Variants in CENPP observed in about 807,000 individuals in gnomAD.
The protein encoded by CENPP is centromere protein P.
Under a neutral mutation model 35.6 loss-of-function variants are expected in CENPP, and 24 were observed. That is an observed-to-expected ratio of 0.67 (90% confidence interval 0.49 to 0.95). The LOEUF (loss-of-function observed/expected upper bound fraction) is 0.95, where lower values mean the gene tolerates loss of function less well. Ranked by LOEUF, CENPP falls within the 40% of genes least tolerant of loss-of-function variation. The probability of loss-of-function intolerance (pLI) is 0.00; values close to 1 mark genes in which losing one functional copy is unlikely to be tolerated. For missense variants in CENPP, 332 were observed against 345.3 expected (o/e 0.96, Z 0.31); for synonymous variants, 120 against 125.5 (o/e 0.96, Z 0.29).
At chr9:92,562,318 C>T (rs1184306827) in intron 5 of CENPP, among the ~76,000 whole-genome samples, 1 of 151,320 alleles carries the variant, frequency 6.6e-6, no homozygotes, top group Non-Finnish European at 1.5e-5. Context: ...GATTCTCCTG[C>T]CTCAGCCGCC....
At position 92,414,422 on chromosome 9, in the gene CENPP, A is replaced by G. The variant is rs41278683; in HGVS notation, c.564+34563A>G. The G allele has an allele frequency of 8.7e-3, 1,791 of 206,136 alleles. 10 individuals are homozygous for G. Among genetic ancestry groups the G allele is most frequent in the Middle Eastern group, 0.014 (9 of 626 alleles). 12.8% of individuals were successfully genotyped at this position (206,136 alleles called of 1,614,324 possible). On this transcript the variant is annotated intron_variant, in intron 5 of 7. Coordinates refer to ENST00000375587, the MANE Select transcript of CENPP (RefSeq NM_001012267.3). ...ATAACATTGTTTAGGATAGTTGCTG[A>G]AATCTGCTAAAATACAAATTGCAAT... is the stretch of plus-strand genomic sequence containing the variant.
rs112439446 is a variant in CENPP at position 92,541,942 on chromosome 9, C to T, written c.565-69372C>T. On this transcript the variant is annotated intron_variant, in intron 5 of 7. Transcript: ENST00000375587. ...ATGAGTAGCTGGGATTACAAGCATC[C>T]GCCGCCGCACCCAGCTAATTTTTGT... Among the ~76,000 whole-genome samples the T allele has an allele frequency of 3.7e-4, 57 of 152,186 alleles. 1 individual carries two copies. Among genetic ancestry groups the T allele is most frequent in the African/African-American group, 1.3e-3 (54 of 41,518 alleles).
chr9:92,596,744 C>A (rs912609581), intron 5 of CENPP, among the ~76,000 whole-genome samples: 1 of 151,908 alleles, frequency 6.6e-6, no homozygotes, highest in Non-Finnish European at 1.5e-5. Context: ...ATAAAAAAAA[C>A]GATGATAAGA....
In CENPP at chr9:92,611,318, A is replaced by C; in HGVS notation, c.569A>C (p.Lys190Thr). The C allele has an allele frequency of 6.2e-7, 1 of 1,613,342 alleles. No homozygotes were observed. Among genetic ancestry groups the C allele is most frequent in the South Asian group, 1.1e-5 (1 of 91,032 alleles). The stretch of plus-strand genomic sequence containing the variant: ...CCGTTTCTTCTCCCCATGCAGGAAA[A>C]GTACCCAGATGCCGTGTACCTCTCG... The part of the protein sequence containing the change: ...RKRTFKHLKE[K>T]YPDAVYLSEG... The change falls in exon 6 of 8, where the codon AAG (lysine) becomes ACG (threonine). Residue 190 changes from lysine (K) to threonine (T), a missense_variant. By Grantham distance (78) the Lys-to-Thr change is moderately conservative. Transcript: ENST00000375587.
intron 4 of CENPP, among the ~76,000 whole-genome samples, chr9:92,372,011 C>T (rs1297436558): frequency 7.3e-6 from 1 of 136,282 alleles, no homozygotes; most frequent in Non-Finnish European, 1.5e-5. Flanking sequence ...CCACTGTACT[C>T]CAGCCTGGGC....
chr9:92,414,828 A>G (rs891832870), intron 5 of CENPP: 5 of 244,450 alleles, frequency 2.0e-5, no homozygotes, highest in Non-Finnish European at 3.9e-5. Context: ...TCATTTTTAG[A>G]AAAATTACTG....
At chr9:92,413,130 A>G (rs1321093894) in intron 5 of CENPP, among the ~76,000 whole-genome samples, 1 of 151,744 alleles carries the variant, frequency 6.6e-6, no homozygotes, top group African/African-American at 2.4e-5. Flanking sequence ...GATTACAGGC[A>G]TGTGCCACCA....
intron 5 of CENPP, among the ~76,000 whole-genome samples, chr9:92,394,073 A>G (rs1023590799): frequency 6.6e-6 from 1 of 152,136 alleles, no homozygotes; most frequent in African/African-American, 2.4e-5. Flanking sequence ...TTGTACTTTC[A>G]TATACTAGTT....
intron 5 of CENPP, among the ~76,000 whole-genome samples, chr9:92,392,572 G>A (rs762666943): frequency 9.2e-5 from 14 of 151,474 alleles, no homozygotes; most frequent in East Asian, 1.9e-4. Flanking sequence ...CCAAGATCAC[G>A]CCACTCTACT....
At chr9:92,494,120 A>G (rs1158343348) in intron 5 of CENPP, 3 of 1,597,944 alleles carry the variant, frequency 1.9e-6, no homozygotes, top group South Asian at 1.1e-5. Flanking sequence ...TCTGTTTGTC[A>G]CTGTCTCTAG....
chr9:92,385,698 C>G, intron 5 of CENPP: 1 of 1,614,068 alleles, frequency 6.2e-7, no homozygotes, highest in Non-Finnish European at 8.5e-7. Flanking sequence ...TTGGATTGCC[C>G]TCCAGGCGTA....
intron 3 of CENPP, among the ~76,000 whole-genome samples, chr9:92,345,357 C>T (rs1447846337): frequency 6.6e-6 from 1 of 151,628 alleles, no homozygotes. Flanking sequence ...TGGTGGTGGG[C>T]ACCTGTTGTC....
intron 5 of CENPP, chr9:92,457,254 CTT>C: frequency 6.2e-7 from 1 of 1,602,304 alleles, no homozygotes; most frequent in Non-Finnish European, 8.5e-7. Context: ...ATTTTTGAAT[CTT>C]ATATTAAATG....
At chr9:92,486,242 G>A (rs1033179584) in intron 5 of CENPP, among the ~76,000 whole-genome samples, 1 of 152,036 alleles carries the variant, frequency 6.6e-6, no homozygotes, top group Non-Finnish European at 1.5e-5. Flanking sequence ...CATAACATAG[G>A]GTTTTTTGTA....
intron 5 of CENPP, among the ~76,000 whole-genome samples, chr9:92,381,520 G>A (rs541123549): frequency 6.6e-5 from 10 of 152,264 alleles, no homozygotes; most frequent in Admixed American, 2.6e-4. Flanking sequence ...CTGGGCTCAA[G>A]CAATTGACCT....
intron 5 of CENPP, among the ~76,000 whole-genome samples, chr9:92,479,499 A>C (rs1370337057): frequency 1.3e-5 from 2 of 152,154 alleles, no homozygotes; most frequent in Non-Finnish European, 1.5e-5. Flanking sequence ...TTGAAACAGG[A>C]GTTCCTCCTG....
chr9:92,327,559 A>G (rs1318073088), intron 1 of CENPP, among the ~76,000 whole-genome samples: 1 of 152,258 alleles, frequency 6.6e-6, no homozygotes, highest in African/African-American at 2.4e-5. Context: ...CTGACTTAAT[A>G]TTTAAATGCA....
At chr9:92,508,751 T>C (rs1476481328) in intron 5 of CENPP, among the ~76,000 whole-genome samples, 1 of 152,198 alleles carries the variant, frequency 6.6e-6, no homozygotes, top group African/African-American at 2.4e-5. Flanking sequence ...ATTATTGTTC[T>C]TTTCTCAATA....
chr9:92,586,076 G>A (rs917684589), intron 5 of CENPP, among the ~76,000 whole-genome samples: 4 of 152,072 alleles, frequency 2.6e-5, no homozygotes, highest in Admixed American at 6.5e-5. Flanking sequence ...ACAGCGTTTC[G>A]CTCTTGTCGC....
Sources: gnomAD v4.1 joint callset for allele counts (sites outside exome capture counted in the v4.1 genomes callset) on GRCh38, gnomAD v4.1.1 for gene constraint, MANE v1.5 for transcripts, NCBI Gene and HGNC (gene_info 2026-07-23, HGNC 2026-07-21) for gene names.